The following SEMA3C variants were observed in gnomAD, a reference collection of about 807,000 sequenced individuals.
The protein encoded by SEMA3C is semaphorin-3C.
Under a neutral mutation model 89.4 loss-of-function variants are expected in SEMA3C, and 47 were observed. The observed-to-expected ratio is 0.53, with a 90% CI of 0.42 to 0.67. The LOEUF (loss-of-function observed/expected upper bound fraction) is 0.67. SEMA3C is among the 30% of genes least tolerant of loss of function. The probability of loss-of-function intolerance (pLI) is 0.00; values close to 1 mark genes in which losing one functional copy is unlikely to be tolerated. For synonymous variants in SEMA3C, 310 were observed against 320.2 expected (o/e 0.97, Z 0.34); for missense variants, 839 against 929.1 (o/e 0.90, Z 1.26).
At chr7:80,753,794 T>C (rs1413121791) in intron 15 of SEMA3C, among the ~76,000 whole-genome samples, 2 of 152,228 alleles carry the variant, frequency 1.3e-5, no homozygotes, top group Non-Finnish European at 2.9e-5. Flanking sequence ...CTTAATAAAG[T>C]TTCTAACTAC....
chr7:80,838,230 G>A (rs1790179788), intron 2 of SEMA3C, among the ~76,000 whole-genome samples: 1 of 152,034 alleles, frequency 6.6e-6, no homozygotes, highest in African/African-American at 2.4e-5. Context: ...CCTTTTGCTG[G>A]TACAGGGTTT....
chr7:80,829,430 ATGTTT>A (rs1188310074), intron 2 of SEMA3C, among the ~76,000 whole-genome samples: 10 of 152,152 alleles, frequency 6.6e-5, no homozygotes, highest in Admixed American at 1.3e-4. Context: ...TCCTCTATTA[ATGTTT>A]TATTTTTGGA....
intron 4 of SEMA3C, among the ~76,000 whole-genome samples, chr7:80,822,435 A>AG (rs1176951426): frequency 2.6e-5 from 4 of 152,204 alleles, no homozygotes; most frequent in African/African-American, 9.6e-5. Flanking sequence ...AACAGCATGA[A>AG]CAGAAACACA....
intron 2 of SEMA3C, among the ~76,000 whole-genome samples, chr7:80,904,805 G>A (rs1349967852): frequency 6.6e-6 from 1 of 152,156 alleles, no homozygotes; most frequent in Non-Finnish European, 1.5e-5. Context: ...GATAGTGACT[G>A]AATTGGTCTG....
chr7:80,886,454 A>C (rs1791481483), intron 2 of SEMA3C, among the ~76,000 whole-genome samples: 1 of 151,854 alleles, frequency 6.6e-6, no homozygotes, highest in African/African-American at 2.4e-5. Flanking sequence ...CCTGGGTTCA[A>C]GTGACTCTCC....
intron 12 of SEMA3C, among the ~76,000 whole-genome samples, chr7:80,776,801 T>C (rs1483447440): frequency 6.6e-6 from 1 of 152,226 alleles, no homozygotes; most frequent in Non-Finnish European, 1.5e-5. Flanking sequence ...TGCATGCATA[T>C]TGTTCATTAC....
intron 6 of SEMA3C, among the ~76,000 whole-genome samples, chr7:80,806,354 T>C (rs1464331531): frequency 2.0e-5 from 3 of 152,148 alleles, no homozygotes; most frequent in Non-Finnish European, 4.4e-5. Context: ...ATTATTATTA[T>C]GACATGACAA....
At chr7:80,862,192 C>T (rs1020826366) in intron 2 of SEMA3C, among the ~76,000 whole-genome samples, 1 of 152,108 alleles carries the variant, frequency 6.6e-6, no homozygotes, top group African/African-American at 2.4e-5. Flanking sequence ...ACCTTGAAAA[C>T]CCTAAAGACT....
intron 2 of SEMA3C, among the ~76,000 whole-genome samples, chr7:80,829,094 G>A (rs763488715): frequency 6.6e-6 from 1 of 152,102 alleles, no homozygotes; most frequent in Admixed American, 6.6e-5. Flanking sequence ...TTGAGCCTAG[G>A]AAATTGAGGT....
intron 2 of SEMA3C, among the ~76,000 whole-genome samples, chr7:80,886,408 C>G (rs1335955667): frequency 6.7e-6 from 1 of 149,622 alleles, no homozygotes; most frequent in Non-Finnish European, 1.5e-5. Flanking sequence ...GGATGGAGTG[C>G]AGTGGTGTGA....
Position 80,789,446 on chromosome 7 carries a change from G to A in SEMA3C, c.1214C>T (p.Pro405Leu), listed in dbSNP as rs767515831. The A allele has an allele frequency of 6.2e-7, 1 of 1,614,026 alleles. No individual in the cohort carries two copies. Among genetic ancestry groups the A allele is most frequent in the Non-Finnish European group, 8.5e-7 (1 of 1,179,978 alleles). The part of the protein sequence containing the change: ...DDVVTFIRNH[P>L]LMYNSIYPIH... ...TGGGTAGATGGAATTGTACATGAGAGGATGGTTCCGAATAAAAGTGACAAC... is the reference window on the plus strand; with the variant it reads ...TGGGTAGATGGAATTGTACATGAGAAGATGGTTCCGAATAAAAGTGACAAC... The change falls in exon 12 of 18, where the codon CCT (proline) becomes CTT (leucine). Residue 405 changes from proline to leucine, a missense_variant. Coordinates refer to ENST00000265361, the MANE Select transcript of SEMA3C (RefSeq NM_006379.5).
chr7:80,844,735 A>G (rs989406027), intron 2 of SEMA3C, among the ~76,000 whole-genome samples: 11 of 152,132 alleles, frequency 7.2e-5, no homozygotes, highest in Non-Finnish European at 1.2e-4. Flanking sequence ...GAAAATTAAA[A>G]TGATGTGTTT....
At chr7:80,766,888 T>TG (rs1788316664) in intron 12 of SEMA3C, among the ~76,000 whole-genome samples, 2 of 152,176 alleles carry the variant, frequency 1.3e-5, no homozygotes, top group South Asian at 4.1e-4. Context: ...CAAGTGAGCA[T>TG]GGGCACAACT....
At chr7:80,797,515 G>A (rs1311129612) in intron 11 of SEMA3C, among the ~76,000 whole-genome samples, 1 of 152,010 alleles carries the variant, frequency 6.6e-6, no homozygotes, top group African/African-American at 2.4e-5. Context: ...GTTCTAATCT[G>A]TGTTACTTCA....
chr7:80,802,909 A>T (rs1180655403), intron 8 of SEMA3C, 130 bp from the exon 9 acceptor site: 2 of 550,680 alleles, frequency 3.6e-6, no homozygotes, highest in African/African-American at 1.9e-5. Flanking sequence ...ACTTCTGCAC[A>T]TCAGTTGTCA....
chr7:80,846,566 A>G (rs1415409231), intron 2 of SEMA3C, among the ~76,000 whole-genome samples: 1 of 152,108 alleles, frequency 6.6e-6, no homozygotes, highest in Non-Finnish European at 1.5e-5. Flanking sequence ...CTTGGCCTCA[A>G]GTAATCCTTC....
intron 4 of SEMA3C, among the ~76,000 whole-genome samples, chr7:80,822,272 T>C (rs1187069428): frequency 6.6e-6 from 1 of 152,010 alleles, no homozygotes; most frequent in Non-Finnish European, 1.5e-5. Flanking sequence ...CATTAAGTAA[T>C]GCTGATCTAG....
At chr7:80,875,132 T>C (rs1211339754) in intron 2 of SEMA3C, among the ~76,000 whole-genome samples, 1 of 150,754 alleles carries the variant, frequency 6.6e-6, no homozygotes, top group Non-Finnish European at 1.5e-5. Flanking sequence ...TCATAGGTTG[T>C]TTTTTCCTCA....
At chr7:80,919,290 C>A, upstream of SEMA3C, 2 of 984,020 alleles carry the variant, frequency 2.0e-6, no homozygotes, top group Middle Eastern at 5.2e-4. Flanking sequence ...GCTGGCCAGA[C>A]GCAAGAATGC....
Sources: gnomAD v4.1 joint callset for allele counts (sites outside exome capture counted in the v4.1 genomes callset) on GRCh38, gnomAD v4.1.1 for gene constraint, MANE v1.5 for transcripts, NCBI Gene and HGNC (gene_info 2026-07-23, HGNC 2026-07-21) for gene names.